KALRN: variants seen among roughly 807,000 people sequenced by gnomAD.
KALRN encodes kalirin RhoGEF kinase, also known as kalirin.
A neutral mutation model predicts 353.7 loss-of-function variants in KALRN; 70 were observed. The observed-to-expected ratio is 0.20, with a 90% CI of 0.16 to 0.24. The LOEUF is 0.24. Ranked by LOEUF, KALRN falls within the 10% of genes least tolerant of loss-of-function variation. KALRN has a pLI of 1.00. For synonymous variants in KALRN, 1,391 were observed against 1,434.8 expected (o/e 0.97, Z 0.69); for missense variants, 2,791 against 3,756.7 (o/e 0.74, Z 6.72).
At chr3:124,040,676 C>T (rs1363976166) in intron 1 of KALRN, among the ~76,000 whole-genome samples, 2 of 152,148 alleles carry the variant, frequency 1.3e-5, no homozygotes, top group East Asian at 3.9e-4. Flanking sequence ...ATCTCTCATC[C>T]TCATCTTCTG....
intron 10 of KALRN, among the ~76,000 whole-genome samples, chr3:124,348,634 G>A (rs750601274): frequency 5.3e-5 from 8 of 152,132 alleles, no homozygotes; most frequent in Non-Finnish European, 1.2e-4. Context: ...ACAATGTGGA[G>A]GGTCCTCAAA....
chr3:124,604,608 T>A (rs910919370), intron 34 of KALRN, among the ~76,000 whole-genome samples: 4 of 152,240 alleles, frequency 2.6e-5, no homozygotes, highest in Admixed American at 1.3e-4. Context: ...TTCCATTCTA[T>A]TGGGTTAGAA....
chr3:124,367,598 G>A (rs1256907358), intron 10 of KALRN, among the ~76,000 whole-genome samples: 4 of 38,360 alleles, frequency 1.0e-4, no homozygotes, highest in Non-Finnish European at 1.5e-4. Flanking sequence ...AGGCAGAGGC[G>A]CCCCTCACCT....
chr3:124,053,831 C>T lies in KALRN; in HGVS notation c.73+20018C>T, dbSNP rs562135578. On this transcript the variant is annotated intron_variant, in intron 1 of 59. Coordinates refer to ENST00000682506, the MANE Select transcript of KALRN (RefSeq NM_001388419.1). The stretch of plus-strand genomic sequence containing the variant: ...TTTTTCAGCATTAAAATTCCCATCA[C>T]CTAGCAGAAGTGTTCCCTTTAAGAT... 3.3e-5 allele frequency among the ~76,000 whole-genome samples: 5 copies of T among 152,350 alleles called. No homozygotes were observed. In the South Asian group the frequency reaches 1.0e-3, roughly 32 times the overall value.
chr3:124,340,275 A>C (rs1452777850), intron 9 of KALRN, among the ~76,000 whole-genome samples: 1 of 152,156 alleles, frequency 6.6e-6, no homozygotes, highest in Non-Finnish European at 1.5e-5. Context: ...TAATACTAGC[A>C]CTTTGGGAGG....
chr3:124,106,043 G>A (rs1345319172), intron 1 of KALRN, among the ~76,000 whole-genome samples: 1 of 152,136 alleles, frequency 6.6e-6, no homozygotes, highest in African/African-American at 2.4e-5. Context: ...AGTGACTAAG[G>A]CAGACAATAC....
intron 1 of KALRN, among the ~76,000 whole-genome samples, chr3:124,108,951 G>A (rs1355059206): frequency 6.6e-6 from 1 of 152,108 alleles, no homozygotes; most frequent in African/African-American, 2.4e-5. Flanking sequence ...TTTGGCTGCA[G>A]GTAATTCAAC....
rs1301071206 is a variant in KALRN at position 124,395,176 on chromosome 3, G to A, written c.2004G>A (p.Glu668=). 2 of 1,613,392 alleles carry A rather than the reference G, an allele frequency of 1.2e-6. No homozygotes were observed. The highest frequency in any genetic ancestry group is 1.3e-5 in the African/African-American group (1 of 74,714). The change falls in exon 12 of 60, where the codon GAG becomes GAA. Residue 668 remains glutamate (E), a synonymous_variant. Transcript: ENST00000682506. ...AAGACCTTCAGAAGGAGATGTTGGA[G>A]GATGTCTGTGCAGATTCTGTGGATG... ...WMEDLQKEML[E]DVCADSVDAV...
At chr3:124,368,191 T>G (rs2085239538) in intron 10 of KALRN, among the ~76,000 whole-genome samples, 1 of 73,100 alleles carries the variant, frequency 1.4e-5, no homozygotes. Flanking sequence ...GGCGGGGGGC[T>G]GACCCCCCAC....
intron 5 of KALRN, among the ~76,000 whole-genome samples, chr3:124,271,240 G>A (rs184236630): frequency 3.2e-4 from 48 of 152,374 alleles, no homozygotes; most frequent in South Asian, 8.3e-4. Context: ...GTTTCAGTGA[G>A]CAAGGGACAG....
At chr3:124,412,050 T>G (rs2150249103) in intron 13 of KALRN, among the ~76,000 whole-genome samples, 1 of 152,290 alleles carries the variant, frequency 6.6e-6, no homozygotes, top group Non-Finnish European at 1.5e-5. Flanking sequence ...ATTTAATCTG[T>G]TTCTATTTTG....
chr3:124,519,422 G>T (rs989826221), intron 33 of KALRN: 1 of 985,402 alleles, frequency 1.0e-6, no homozygotes, highest in South Asian at 4.7e-5. Flanking sequence ...AAGGCAAGAG[G>T]CAGAGATGAT....
chr3:124,266,847 C>T (rs77720694), intron 4 of KALRN, among the ~76,000 whole-genome samples: 3,124 of 152,304 alleles, frequency 0.021, 44 homozygotes, highest in Admixed American at 0.038. Flanking sequence ...CAGGGAAATG[C>T]TTTCTATATT....
intron 51 of KALRN, among the ~76,000 whole-genome samples, chr3:124,682,194 T>C (rs1189914730): frequency 2.0e-5 from 3 of 152,144 alleles, no homozygotes; most frequent in African/African-American, 7.2e-5. Context: ...ACCTTAAAGA[T>C]CCAAATTGAA....
chr3:124,053,915 A>C (rs980210736), intron 1 of KALRN, among the ~76,000 whole-genome samples: 1 of 152,228 alleles, frequency 6.6e-6, no homozygotes, highest in African/African-American at 2.4e-5. Context: ...GCTTGTGTCA[A>C]ATTAATTTTT....
intron 6 of KALRN, among the ~76,000 whole-genome samples, chr3:124,325,776 A>G (rs1156978652): frequency 1.3e-5 from 2 of 152,234 alleles, no homozygotes; most frequent in African/African-American, 2.4e-5. Flanking sequence ...GTTCCCCACA[A>G]TGAAAGTTCC....
intron 10 of KALRN, among the ~76,000 whole-genome samples, chr3:124,376,961 G>A (rs1017968497): frequency 5.3e-5 from 8 of 152,130 alleles, no homozygotes; most frequent in South Asian, 4.1e-4. Flanking sequence ...CAATTACAAT[G>A]TCATAATTTA....
intron 10 of KALRN, among the ~76,000 whole-genome samples, chr3:124,372,032 G>T (rs1016302476): frequency 2.0e-5 from 3 of 152,096 alleles, no homozygotes; most frequent in African/African-American, 7.2e-5. Flanking sequence ...ACAAATAAGT[G>T]AGAACATGAG....
chr3:124,699,804 G>T, intron 55 of KALRN, 65 bp from the exon 56 acceptor site: 1 of 1,483,220 alleles, frequency 6.7e-7, no homozygotes, highest in South Asian at 1.2e-5. Context: ...TTTGTTTGCT[G>T]AAGGTCTTTG....
Sources: allele counts gnomAD v4.1 joint callset (sites outside exome capture counted in the v4.1 genomes callset), GRCh38; gene constraint gnomAD v4.1.1; transcripts MANE v1.5; gene names NCBI Gene and HGNC (gene_info 2026-07-23, HGNC 2026-07-21).